RC3H2: variants seen among roughly 807,000 people sequenced by gnomAD.
The protein encoded by RC3H2 is roquin-2.
In RC3H2, 31 loss-of-function variants were observed where a neutral mutation model predicts 133.3. The ratio of observed to expected loss-of-function variants is 0.23; its 90% CI spans 0.17 to 0.31. The LOEUF is 0.31. Among genes scored for constraint, RC3H2 ranks in the 10% least tolerant of loss-of-function variants. The probability of loss-of-function intolerance (pLI) is 1.00; values close to 1 mark genes in which losing one functional copy is unlikely to be tolerated. For synonymous variants in RC3H2, 517 were observed against 502.2 expected, an observed-to-expected ratio of 1.03 and a Z score of -0.40; for missense variants, 1,175 against 1,437.2, an observed-to-expected ratio of 0.82 and a Z score of 2.95.
chr9:122,876,786 G>A (rs1182084805), intron 9 of RC3H2, among the ~76,000 whole-genome samples: 2 of 151,988 alleles, frequency 1.3e-5, no homozygotes, highest in African/African-American at 2.4e-5. Flanking sequence ...TTTAGGTCTC[G>A]GGTAAAGGGA....
chr9:122,852,840 G>C (rs2131381993), intron 18 of RC3H2, among the ~76,000 whole-genome samples: 1 of 152,296 alleles, frequency 6.6e-6, no homozygotes, highest in East Asian at 1.9e-4. Context: ...ACTGGGAAGT[G>C]AGGAGCCCCT....
chr9:122,893,040 A>C lies in RC3H2; in HGVS notation c.232-14T>G. On this transcript the variant is annotated splice_polypyrimidine_tract_variant and intron_variant, in intron 2 of 20. Coordinates refer to ENST00000357244, the MANE Select transcript of RC3H2 (RefSeq NM_001100588.3). ...ATGATCTGGTACCTTAAAAAAAAAA[A>C]AAAAGGAATATTGCAGAAATACATT... 1.9e-6 allele frequency: 3 copies of C among 1,597,038 alleles called. No homozygotes were observed. Among genetic ancestry groups the C allele is most frequent in the Non-Finnish European group, 2.6e-6 (3 of 1,176,472 alleles).
chr9:122,897,594 T>C lies in RC3H2; in HGVS notation c.-67-18A>G, dbSNP rs1232333012. ...TTTGTAAGCTAGAAATGGACAAAAG[T>C]ATGAATTAACCACATATTCATCATT... On this transcript the variant is annotated intron_variant, in intron 1 of 20. Coordinates refer to ENST00000357244, the MANE Select transcript of RC3H2 (RefSeq NM_001100588.3). 1 of 1,492,768 alleles carries C rather than the reference T, an allele frequency of 6.7e-7. No homozygotes were observed. The highest frequency in any genetic ancestry group is 1.4e-5 in the African/African-American group (1 of 71,760). 92.5% of individuals were successfully genotyped at this position (1,492,768 alleles called of 1,614,324 possible).
chr9:122,851,563 A>G lies in RC3H2; in HGVS notation c.3118-127T>C. On this transcript the variant is annotated intron_variant, in intron 18 of 20. Transcript: ENST00000357244. ...TCATGCCGAGCCGAAGCTGGACTAT[A>G]CTGCTGCCATCTCGGCTCACTGCAA... is the stretch of plus-strand genomic sequence containing the variant. 3.9e-6 allele frequency: 5 copies of G among 1,272,610 alleles called. No individual in the cohort carries two copies. In the South Asian group the frequency reaches 4.5e-5, roughly 11 times the overall value. 78.8% of individuals were successfully genotyped at this position (1,272,610 alleles called of 1,614,324 possible).
intron 9 of RC3H2, chr9:122,875,513 G>C (rs552783833): frequency 2.8e-5 from 35 of 1,228,896 alleles, no homozygotes; most frequent in Non-Finnish European, 3.4e-5. Flanking sequence ...CTGAGTGGTT[G>C]TAACAGATTC....
intron 9 of RC3H2, among the ~76,000 whole-genome samples, chr9:122,867,878 G>A (rs1830786773): frequency 1.5e-5 from 1 of 67,210 alleles, no homozygotes; most frequent in Admixed American, 1.4e-4. Context: ...CAGCCACCCC[G>A]TCCGGGAGGG....
intron 4 of RC3H2, among the ~76,000 whole-genome samples, chr9:122,887,043 C>T (rs139678472): frequency 1.3e-5 from 2 of 152,220 alleles, no homozygotes; most frequent in East Asian, 3.9e-4. Context: ...TTTAGTAATG[C>T]TAAGATTTAT....
chr9:122,849,318 G>A lies in RC3H2; in HGVS notation c.*309C>T, dbSNP rs1829934168. ...ATAGAAGCCATTTAAAATAGGAAATGGCTCAGTTACTGCACCGGATTGCTA... is the reference window on the plus strand; with the variant it reads ...ATAGAAGCCATTTAAAATAGGAAATAGCTCAGTTACTGCACCGGATTGCTA... On this transcript the variant is annotated 3_prime_UTR_variant, in exon 21 of 21. Coordinates refer to ENST00000357244, the MANE Select transcript of RC3H2 (RefSeq NM_001100588.3). 2 of 152,214 alleles carry A rather than the reference G, an allele frequency of 1.3e-5. No individual in the cohort carries two copies. The highest frequency in any genetic ancestry group is 2.9e-5 in the Non-Finnish European group (2 of 68,180). 9.4% of individuals were successfully genotyped at this position (152,214 alleles called of 1,614,324 possible).
Position 122,883,300 on chromosome 9 carries a change from A to C in RC3H2, c.663T>G (p.Leu221=). ...GSALSRKVLV[L]FVVQRLEPRF... is the part of the protein sequence containing the mutation. The stretch of plus-strand genomic sequence containing the variant: ...TTGGTTCTAGTCTCTGCACAACAAA[A>C]AGTACCAGAACTTTCCTTGAGAGGG... The change falls in exon 5 of 21, where the codon CTT becomes CTG. Residue 221 remains leucine (L), a synonymous_variant. Coordinates refer to ENST00000357244, the MANE Select transcript of RC3H2 (RefSeq NM_001100588.3). The C allele has an allele frequency of 6.2e-7, 1 of 1,613,900 alleles. No homozygotes were observed. The highest frequency in any genetic ancestry group is 1.3e-5 in the African/African-American group (1 of 75,052).
intron 18 of RC3H2, among the ~76,000 whole-genome samples, chr9:122,853,378 TAA>T (rs72033785): frequency 1.1e-4 from 9 of 83,698 alleles, no homozygotes; most frequent in Non-Finnish European, 8.5e-5. Flanking sequence ...GAATGATCAA[TAA>T]AAAAAAAAAA....
At chr9:122,878,632 C>T (rs151051024) in intron 8 of RC3H2, among the ~76,000 whole-genome samples, 1,554 of 152,236 alleles carry the variant, frequency 0.01, 5 homozygotes, top group Non-Finnish European at 0.015. Context: ...ACAGCAACTA[C>T]ATTGCAGGTG....
intron 9 of RC3H2, among the ~76,000 whole-genome samples, chr9:122,877,138 A>C (rs1205673103): frequency 6.6e-6 from 1 of 152,138 alleles, no homozygotes; most frequent in Non-Finnish European, 1.5e-5. Flanking sequence ...TGGTGTGAAC[A>C]CACTCACTGC....
chr9:122,882,037 T>C (rs1293692565), intron 5 of RC3H2, among the ~76,000 whole-genome samples: 1 of 152,048 alleles, frequency 6.6e-6, no homozygotes, highest in Admixed American at 6.6e-5. Context: ...TGCAGTGAAC[T>C]ATGATGGCAC....
chr9:122,897,980 A>C (rs1281723157), intron 1 of RC3H2: 1 of 155,634 alleles, frequency 6.4e-6, no homozygotes, highest in African/African-American at 2.4e-5. Context: ...CCAGTACCCC[A>C]AAACATAATA....
At chr9:122,879,900 G>A (rs1428947821) in intron 7 of RC3H2, 27 bp from the exon 8 acceptor site, 20 of 1,611,330 alleles carry the variant, frequency 1.2e-5, no homozygotes, top group Non-Finnish European at 1.7e-5. Flanking sequence ...AGGGCATGGG[G>A]GTTGGGGGGG....
chr9:122,851,257 G>C (rs1215627534), intron 19 of RC3H2, 28 bp from the exon 20 acceptor site: 1 of 1,611,904 alleles, frequency 6.2e-7, no homozygotes, highest in East Asian at 2.2e-5. Flanking sequence ...TAATCCTTCA[G>C]TATGAAAGTA....
intron 8 of RC3H2, among the ~76,000 whole-genome samples, chr9:122,878,936 T>A (rs1235316586): frequency 4.7e-5 from 7 of 149,474 alleles, no homozygotes; most frequent in Middle Eastern, 3.4e-3. Flanking sequence ...TTTTTTTTTT[T>A]AGTAGAGATG....
chr9:122,852,439 C>A (rs1239920096), intron 18 of RC3H2, among the ~76,000 whole-genome samples: 1 of 146,028 alleles, frequency 6.8e-6, no homozygotes. Flanking sequence ...CCAGCCGCCC[C>A]GTCCGGGAGG....
intron 4 of RC3H2, among the ~76,000 whole-genome samples, chr9:122,889,467 C>T (rs915373396): frequency 6.6e-6 from 1 of 152,052 alleles, no homozygotes; most frequent in Non-Finnish European, 1.5e-5. Flanking sequence ...TTAAAAGTTT[C>T]CTTTCCAAAA....
Sources: allele counts gnomAD v4.1 joint callset (sites outside exome capture counted in the v4.1 genomes callset), GRCh38; gene constraint gnomAD v4.1.1; transcripts MANE v1.5; gene names NCBI Gene and HGNC (gene_info 2026-07-23, HGNC 2026-07-21).